SSX7: variants seen among roughly 807,000 people sequenced by gnomAD.
SSX7 encodes the protein SSX family member 7.
SSX7 carries 15 observed loss-of-function variants against 14.7 expected under a neutral mutation model. That is an observed-to-expected ratio of 1.02 (90% CI 0.68 to 1.58). SSX7 has a LOEUF of 1.58. Ranked by LOEUF, SSX7 falls within the 40% of genes most tolerant of loss-of-function variation. SSX7 has a pLI of 0.00. For missense variants in SSX7, 178 were observed against 146.8 expected (o/e 1.21, Z -1.10); for synonymous variants, 46 against 50.6 (o/e 0.91, Z 0.38).
chrX:52,646,952 A>G (rs193202073), intron 6 of SSX7, among the ~76,000 whole-genome samples: 2 of 112,402 alleles, frequency 1.8e-5, no homozygotes, highest in Non-Finnish European at 3.8e-5. Flanking sequence ...AAATAATAGT[A>G]TATAATGCAA....
At chrX:52,648,466 C>T (rs41308612) in intron 5 of SSX7, 70 bp from the exon 6 acceptor site, 5 of 1,175,183 alleles carry the variant, frequency 4.3e-6, no homozygotes, top group Non-Finnish European at 5.7e-6. Flanking sequence ...GCTTACAAAG[C>T]GTCTTCACAT....
chrX:52,646,879 T>C (rs1200239582), intron 6 of SSX7, among the ~76,000 whole-genome samples: 1 of 112,399 alleles, frequency 8.9e-6, no homozygotes, highest in Non-Finnish European at 1.9e-5. Flanking sequence ...CAAGACAGGC[T>C]GAAAGCTCGG....
intron 6 of SSX7, among the ~76,000 whole-genome samples, chrX:52,647,626 T>G (rs1295155472): frequency 8.9e-6 from 1 of 111,829 alleles, no homozygotes; most frequent in Non-Finnish European, 1.9e-5. Context: ...GGCAAGACCC[T>G]CCACCAGCAA....
In SSX7 at chrX:52,645,425, G is replaced by A. The variant is rs782070889; in HGVS notation, c.*4+14C>T. ...TCTGCAGGGATGTGGGGGATGAGCC[G>A]AAGGTTCACTTACGGAGTTACTCGT... On this transcript the variant is annotated intron_variant, in intron 7 of 7. Transcript: ENST00000298181. The A allele has an allele frequency of 5.8e-6, 7 of 1,202,758 alleles. No homozygotes were observed. Among genetic ancestry groups the A allele is most frequent in the East Asian group, 5.9e-5 (2 of 33,683 alleles).
In SSX7 at chrX:52,652,865, G is replaced by A. The variant is rs1362108996; in HGVS notation, c.184+5C>T. ...GACTTGTCTGTACCTAGAACTTTCT[G>A]TTACCTAGTTTAGTCATGGCCTCAT... On this transcript the variant is annotated splice_donor_5th_base_variant and intron_variant, in intron 3 of 7. Coordinates refer to ENST00000298181, the MANE Select transcript of SSX7 (RefSeq NM_173358.2). The A allele has an allele frequency of 2.5e-6, 3 of 1,182,854 alleles. No individual in the cohort carries two copies. In the African/African-American group the frequency reaches 5.3e-5, roughly 21 times the overall value.
chrX:52,649,864 A>T (rs1191760789), intron 5 of SSX7, among the ~76,000 whole-genome samples: 1 of 112,316 alleles, frequency 8.9e-6, no homozygotes, highest in Non-Finnish European at 1.9e-5. Flanking sequence ...GGATTAGACT[A>T]CCACTGCCAC....
intron 4 of SSX7, among the ~76,000 whole-genome samples, chrX:52,650,701 T>C (rs1925399548): frequency 8.9e-6 from 1 of 112,330 alleles, no homozygotes; most frequent in Non-Finnish European, 1.9e-5. Flanking sequence ...TGGTTAGGAA[T>C]CTGAACTGTA....
intron 3 of SSX7, 135 bp from the exon 4 acceptor site, chrX:52,652,482 A>AAT (rs1601976993): frequency 6.0e-6 from 3 of 501,958 alleles, no homozygotes; most frequent in Non-Finnish European, 1.1e-5. Flanking sequence ...GGCTGCAGTG[A>AAT]GCTATGACTG....
At position 52,645,439 on chromosome X, in the gene SSX7, G is replaced by C; in HGVS notation, c.*4C>G. On this transcript the variant is annotated splice_region_variant and 3_prime_UTR_variant, in exon 7 of 8. Transcript: ENST00000298181. Reference sequence around the variant, plus strand: ...GGGGATGAGCCGAAGGTTCACTTACGGAGTTACTCGTCGTCTTCTTCAGGG... The same window carrying C: ...GGGGATGAGCCGAAGGTTCACTTACCGAGTTACTCGTCGTCTTCTTCAGGG... 4 of 1,191,496 alleles carry C rather than the reference G, an allele frequency of 3.4e-6. No individual in the cohort carries two copies. The highest frequency in any genetic ancestry group is 4.5e-6 in the Non-Finnish European group (4 of 883,134).
chrX:52,649,252 A>T (rs782317875), intron 5 of SSX7, among the ~76,000 whole-genome samples: 1 of 110,837 alleles, frequency 9.0e-6, no homozygotes, highest in African/African-American at 3.3e-5. Flanking sequence ...GATGGTCTTG[A>T]CCTCTTGACC....
At chrX:52,653,091 C>A in intron 2 of SSX7, 107 bp from the exon 3 acceptor site, 1 of 1,170,909 alleles carries the variant, frequency 8.5e-7, no homozygotes. Context: ...GGGATGATGC[C>A]ATGGCTAACC....
chrX:52,644,953 G>C (rs1423832024), intron 7 of SSX7, among the ~76,000 whole-genome samples: 2 of 111,143 alleles, frequency 1.8e-5, no homozygotes, highest in Non-Finnish European at 3.8e-5. Flanking sequence ...AGCATTCCTG[G>C]ATATACAGGG....
chrX:52,648,180 G>A (rs782004589), intron 6 of SSX7, 81 bp downstream of exon 6: 65 of 1,146,277 alleles, frequency 5.7e-5, no homozygotes, highest in African/African-American at 3.8e-4. Flanking sequence ...CTTGTCTGGG[G>A]TCCATGCCAC....
At position 52,648,804 on chromosome X, in the gene SSX7, G is replaced by C. The variant is rs1301655514; in HGVS notation, c.331-408C>G. ...AGAGTAAATGTAAAAACATAGAGAG[G>C]GGACAAAACACTGCTGGGAAAGATG... On this transcript the variant is annotated intron_variant, in intron 5 of 7. Coordinates refer to ENST00000298181, the MANE Select transcript of SSX7 (RefSeq NM_173358.2). 3.6e-5 allele frequency among the ~76,000 whole-genome samples: 4 copies of C among 111,463 alleles called. No homozygotes were observed. The Admixed American group carries it at 3.8e-4, about 11-fold the overall frequency.
chrX:52,647,624 C>A (rs782406397), intron 6 of SSX7, among the ~76,000 whole-genome samples: 149 of 111,938 alleles, frequency 1.3e-3, no homozygotes, highest in African/African-American at 4.5e-3. Flanking sequence ...GAGGCAAGAC[C>A]CTCCACCAGC....
Position 52,652,988 on chromosome X carries a change from G to A in SSX7, c.70-4C>T. Reference sequence around the variant, plus strand: ...ATTTGGCAATATCATCGAAGGACTAGGAAAAGATAAAAAAGGAATTTTGTC... The same window carrying A: ...ATTTGGCAATATCATCGAAGGACTAAGAAAAGATAAAAAAGGAATTTTGTC... On this transcript the variant is annotated splice_region_variant and splice_polypyrimidine_tract_variant and intron_variant, in intron 2 of 7. Coordinates refer to ENST00000298181, the MANE Select transcript of SSX7 (RefSeq NM_173358.2). 1.7e-6 allele frequency: 2 copies of A among 1,196,201 alleles called. No homozygotes were observed. The highest frequency in any genetic ancestry group is 3.5e-5 in the South Asian group (2 of 56,391).
chrX:52,648,666 T>C (rs1334442131), intron 5 of SSX7, among the ~76,000 whole-genome samples: 3 of 111,080 alleles, frequency 2.7e-5, no homozygotes, highest in African/African-American at 9.8e-5. Flanking sequence ...CAATTGAGAG[T>C]TTGGTATACA....
At chrX:52,646,887 C>T (rs1477778864) in intron 6 of SSX7, among the ~76,000 whole-genome samples, 12 of 112,213 alleles carry the variant, frequency 1.1e-4, no homozygotes, top group Non-Finnish European at 2.1e-4. Flanking sequence ...GCTGAAAGCT[C>T]GGCCTCTTGC....
chrX:52,644,899 A>T (rs1259119553), intron 7 of SSX7, among the ~76,000 whole-genome samples: 2 of 111,122 alleles, frequency 1.8e-5, no homozygotes, highest in African/African-American at 6.5e-5. Flanking sequence ...GCCCACATAC[A>T]GGGCTGATCT....
Sources: gnomAD v4.1 joint callset for allele counts (sites outside exome capture counted in the v4.1 genomes callset) on GRCh38, gnomAD v4.1.1 for gene constraint, MANE v1.5 for transcripts, NCBI Gene and HGNC (gene_info 2026-07-23, HGNC 2026-07-21) for gene names.